CDH23: variants seen among roughly 807,000 people sequenced by gnomAD.
CDH23 encodes cadherin-23.
A neutral mutation model predicts 317.1 loss-of-function variants in CDH23; 189 were observed. The ratio of observed to expected loss-of-function variants is 0.60; its 90% CI spans 0.53 to 0.67. The LOEUF is 0.67. CDH23 is among the 30% of genes least tolerant of loss of function. CDH23 has a pLI of 0.00. For synonymous variants in CDH23, 1,839 were observed against 1,876.8 expected, an observed-to-expected ratio of 0.98 and a Z score of 0.52; for missense variants, 4,401 against 4,592.4, an observed-to-expected ratio of 0.96 and a Z score of 1.20.
chr10:71,686,199 T>C (rs1434991801), intron 18 of CDH23, among the ~76,000 whole-genome samples: 1 of 152,130 alleles, frequency 6.6e-6, no homozygotes, highest in Non-Finnish European at 1.5e-5. Flanking sequence ...TCACCGCTAA[T>C]AAGTTTCTGC....
intron 24 of CDH23, among the ~76,000 whole-genome samples, chr10:71,703,926 G>A (rs190918882): frequency 8.5e-5 from 13 of 152,338 alleles, no homozygotes; most frequent in African/African-American, 2.4e-4. Context: ...AGGAAGGAGC[G>A]GGGAGCGTTT....
At chr10:71,545,663 G>C (rs1856234256) in intron 6 of CDH23, among the ~76,000 whole-genome samples, 1 of 152,186 alleles carries the variant, frequency 6.6e-6, no homozygotes, top group Non-Finnish European at 1.5e-5. Context: ...AGTCCCTGCT[G>C]TTGGCACCTT....
At chr10:71,425,073 A>C (rs1188452403) in intron 1 of CDH23, among the ~76,000 whole-genome samples, 1 of 151,972 alleles carries the variant, frequency 6.6e-6, no homozygotes. Context: ...GCTTGGGGTG[A>C]GAACTCCTAT....
chr10:71,807,259 AT>A lies in CDH23; in HGVS notation c.8179-17del. On this transcript the variant is annotated splice_polypyrimidine_tract_variant and intron_variant, in intron 57 of 69. Transcript: ENST00000224721. ...TCTTCCCTTGGCCCCATGTGATGACATCCCCCTCCCTCTGCAGAAAGGCAGC... is the reference window on the plus strand; with the variant it reads ...TCTTCCCTTGGCCCCATGTGATGACACCCCCTCCCTCTGCAGAAAGGCAGC... 6.2e-7 allele frequency: 1 copy of A among 1,610,990 alleles called. No homozygotes were observed. Among genetic ancestry groups the A allele is most frequent in the African/African-American group, 1.3e-5 (1 of 74,986 alleles).
intron 13 of CDH23, 86 bp from the exon 14 acceptor site, chr10:71,646,373 C>T: frequency 6.4e-7 from 1 of 1,564,144 alleles, no homozygotes; most frequent in Non-Finnish European, 8.7e-7. Flanking sequence ...CTGGGGCCGG[C>T]AAAGGCATGG....
rs762118583 is a variant in CDH23, at chr10:71,791,284, A to C, written c.6202A>C (p.Thr2068Pro). 3 of 1,613,742 alleles carry C rather than the reference A, an allele frequency of 1.9e-6. No individual in the cohort carries two copies. In the South Asian group the frequency reaches 3.3e-5, roughly 18 times the overall value. ...TILDDNDNRP[T>P]FSPATLTVHL... is the part of the protein sequence containing the mutation. The stretch of plus-strand genomic sequence containing the variant: ...CCTGGATGACAATGACAACCGGCCC[A>C]CCTTTAGCCCTGCCACCCTCACTGT... The change falls in exon 47 of 70, where the codon ACC becomes CCC. Residue 2068 changes from threonine to proline, a missense_variant. Thr to Pro is a conservative substitution (Grantham distance 38). Transcript: ENST00000224721.
rs529696105 is a variant in CDH23, at chr10:71,551,288, G to A, written c.430-15454G>A. Among the ~76,000 whole-genome samples the A allele has an allele frequency of 6.6e-5, 10 of 152,292 alleles. No homozygotes were observed. In the East Asian group the frequency reaches 1.9e-3, roughly 29 times the overall value. The stretch of plus-strand genomic sequence containing the variant: ...GGTATTAGCATCCTGCTTAATGAAC[G>A]TCATTTGCAATTCCTACCGCTGGTC... On this transcript the variant is annotated intron_variant, in intron 6 of 69. Coordinates refer to ENST00000224721, the MANE Select transcript of CDH23 (RefSeq NM_022124.6).
At chr10:71,803,541 G>GAA in intron 55 of CDH23, 121 bp downstream of exon 55, 8 of 778,948 alleles carry the variant, frequency 1.0e-5, no homozygotes, top group Non-Finnish European at 1.6e-5. Context: ...GTAGCTCCAG[G>GAA]AAAAAAAAAA....
chr10:71,795,420 A>T (rs1225111253), intron 48 of CDH23: 1 of 152,180 alleles, frequency 6.6e-6, no homozygotes, highest in Non-Finnish European at 1.5e-5. Flanking sequence ...AGGACCATGG[A>T]GAGCTGCTCC....
intron 1 of CDH23, among the ~76,000 whole-genome samples, chr10:71,436,780 G>A (rs1453784408): frequency 6.6e-6 from 1 of 152,198 alleles, no homozygotes; most frequent in Non-Finnish European, 1.5e-5. Context: ...TGTGGATGAT[G>A]TTCTTAGCAG....
At chr10:71,403,326 C>CCTTCCTTCCTTT (rs1315167195) in intron 1 of CDH23, among the ~76,000 whole-genome samples, 37 of 60,746 alleles carry the variant, frequency 6.1e-4, no homozygotes, top group African/African-American at 8.1e-4. Flanking sequence ...TTCCTTCCTT[C>CCTTCCTTCCTTT]CTTTCTTTCT....
intron 3 of CDH23, among the ~76,000 whole-genome samples, chr10:71,491,057 T>C (rs1285173385): frequency 6.6e-6 from 1 of 152,102 alleles, no homozygotes; most frequent in Non-Finnish European, 1.5e-5. Flanking sequence ...CAGTCTTGGC[T>C]CCCCCACCAA....
intron 11 of CDH23, among the ~76,000 whole-genome samples, chr10:71,631,274 G>A (rs923369749): frequency 7.9e-5 from 12 of 152,118 alleles, no homozygotes; most frequent in African/African-American, 2.2e-4. Flanking sequence ...TAAAGCCACC[G>A]CTCTAGCTGG....
intron 6 of CDH23, among the ~76,000 whole-genome samples, chr10:71,512,667 C>T (rs1045611421): frequency 1.3e-5 from 2 of 152,208 alleles, no homozygotes; most frequent in Non-Finnish European, 2.9e-5. Flanking sequence ...GGGTCATGTC[C>T]CTCCTCTCCT....
At chr10:71,505,510 C>T (rs74893431) in intron 3 of CDH23, among the ~76,000 whole-genome samples, 3,353 of 152,240 alleles carry the variant, frequency 0.022, 105 homozygotes, top group African/African-American at 0.075. Flanking sequence ...CATTGGTTCC[C>T]GGCACTTCCC....
chr10:71,647,218 T>C, intron 14 of CDH23: 1 of 442,276 alleles, frequency 2.3e-6, no homozygotes, highest in Non-Finnish European at 3.0e-6. Context: ...ATCCAACACC[T>C]TGAGAAAGCC....
Position 71,802,959 on chromosome 10 carries a change from G to A in CDH23, c.7544G>A (p.Ser2515Asn), listed in dbSNP as rs1589430998. 1 of 1,614,058 alleles carries A rather than the reference G, an allele frequency of 6.2e-7. No individual in the cohort carries two copies. Among genetic ancestry groups the A allele is most frequent in the Non-Finnish European group, 8.5e-7 (1 of 1,179,900 alleles). ...CCACAGTTCTCCAAGCCCCAGTTCAGCACAAGCGTGTATGAGAATGAGCCG... is the reference window on the plus strand; with the variant it reads ...CCACAGTTCTCCAAGCCCCAGTTCAACACAAGCGTGTATGAGAATGAGCCG... ...CRPQFSKPQFSTSVYENEPAG... is the reference protein window; with the variant it reads ...CRPQFSKPQFNTSVYENEPAG... The change falls in exon 54 of 70, where the codon AGC becomes AAC. Residue 2515 changes from serine (S) to asparagine (N), a missense_variant. Physicochemically the swap from Ser to Asn is conservative, Grantham distance 46. Transcript: ENST00000224721.
chr10:71,500,711 A>T (rs920934842), intron 3 of CDH23, among the ~76,000 whole-genome samples: 1 of 150,824 alleles, frequency 6.6e-6, no homozygotes, highest in Non-Finnish European at 1.5e-5. Context: ...CTTGGGTTGG[A>T]CTCCTGGCTT....
chr10:71,636,171 G>A (rs148655816), intron 11 of CDH23, among the ~76,000 whole-genome samples: 1 of 152,134 alleles, frequency 6.6e-6, no homozygotes, highest in Non-Finnish European at 1.5e-5. Context: ...GGGGAGGAGA[G>A]AGAATCAGGA....
Sources: allele counts gnomAD v4.1 joint callset (sites outside exome capture counted in the v4.1 genomes callset), GRCh38; gene constraint gnomAD v4.1.1; transcripts MANE v1.5; gene names NCBI Gene and HGNC (gene_info 2026-07-23, HGNC 2026-07-21).